The following CHLSN variants were observed in gnomAD, a reference collection of about 807,000 sequenced individuals.
CHLSN encodes the protein cholesin.
At chr7:1,060,734 TG>T in the CHLSN span, among the ~76,000 whole-genome samples, 1 of 152,360 alleles carries the variant, frequency 6.6e-6, no homozygotes, top group South Asian at 2.1e-4. Context: ...TGTCAGTGTT[TG>T]GTTTTCAGGT....
chr7:1,089,163 C>T, the CHLSN span, among the ~76,000 whole-genome samples: 2 of 152,270 alleles, frequency 1.3e-5, no homozygotes, highest in Admixed American at 1.3e-4. Context: ...AATACAGAGG[C>T]GAAATGCGGA....
At chr7:984,637 G>A in the CHLSN span, 39 of 1,507,928 alleles carry the variant, frequency 2.6e-5, no homozygotes, top group Middle Eastern at 2.3e-4. Context: ...CCCAGGAGGG[G>A]TGGGGGCTCC....
chr7:1,130,312 TG>T, the CHLSN span, among the ~76,000 whole-genome samples: 1 of 152,156 alleles, frequency 6.6e-6, no homozygotes, highest in African/African-American at 2.4e-5. Flanking sequence ...CTGGAGGGGC[TG>T]GGATAGCAGG....
the CHLSN span, among the ~76,000 whole-genome samples, chr7:1,015,200 G>C: frequency 1.3e-5 from 2 of 152,150 alleles, no homozygotes; most frequent in Non-Finnish European, 2.9e-5. Context: ...AAATTGTTTG[G>C]GGGGGCTGAG....
chr7:1,072,912 G>T, the CHLSN span, among the ~76,000 whole-genome samples: 3 of 151,984 alleles, frequency 2.0e-5, no homozygotes, highest in African/African-American at 7.3e-5. Flanking sequence ...TTGAACTCCT[G>T]GCCTCAAGTG....
chr7:984,992 A>G, the CHLSN span: 1 of 1,610,330 alleles, frequency 6.2e-7, no homozygotes, highest in South Asian at 1.1e-5. Context: ...GCTGCCCGCC[A>G]GTTCACGGTG....
the CHLSN span, among the ~76,000 whole-genome samples, chr7:1,041,230 C>CGCTGCGGGGAAGGGGACCTGGGCTCCAT: frequency 4.8e-5 from 7 of 145,408 alleles, no homozygotes; most frequent in African/African-American, 1.8e-4. Context: ...CTGGGCTCCG[C>CGCTGCGGGGAAGGGGACCTGGGCTCCAT]GCTGCGGGGA....
At chr7:1,125,131 G>A in the CHLSN span, among the ~76,000 whole-genome samples, 8 of 152,218 alleles carry the variant, frequency 5.3e-5, no homozygotes, top group Middle Eastern at 3.2e-3. Flanking sequence ...ACCACCTTCC[G>A]AGAGCTCAGC....
At chr7:983,418 T>C in the CHLSN span, 6 of 1,438,600 alleles carry the variant, frequency 4.2e-6, no homozygotes, top group East Asian at 5.5e-5. Flanking sequence ...CTCTTGCCGC[T>C]TGGACAGCTG....
the CHLSN span, among the ~76,000 whole-genome samples, chr7:1,046,715 AG>A: frequency 0.11 from 16,281 of 152,252 alleles, 1,154 homozygotes; most frequent in Middle Eastern, 0.2. Context: ...GACAAGGTGG[AG>A]GTGGGGCAGG....
the CHLSN span, among the ~76,000 whole-genome samples, chr7:1,062,362 T>C: frequency 1.3e-5 from 2 of 152,262 alleles, no homozygotes; most frequent in Non-Finnish European, 2.9e-5. Flanking sequence ...ATCATAAAAT[T>C]GGTTATTTCC....
the CHLSN span, among the ~76,000 whole-genome samples, chr7:1,129,590 C>G: frequency 6.6e-6 from 1 of 152,226 alleles, no homozygotes; most frequent in African/African-American, 2.4e-5. Context: ...TAACCACAGG[C>G]GCATGCCACC....
the CHLSN span, among the ~76,000 whole-genome samples, chr7:1,083,164 C>T: frequency 3.3e-4 from 50 of 152,382 alleles, 1 homozygote; most frequent in Admixed American, 3.1e-3. Context: ...GCCCAGAATG[C>T]TCCCAGCAAC....
chr7:981,412 T>G, the CHLSN span, among the ~76,000 whole-genome samples: 1 of 149,516 alleles, frequency 6.7e-6, no homozygotes, highest in Admixed American at 6.6e-5. Context: ...CCAGGAGGAG[T>G]TGAAGACCAG....
the CHLSN span, among the ~76,000 whole-genome samples, chr7:1,118,628 T>C: frequency 6.6e-6 from 1 of 151,560 alleles, no homozygotes; most frequent in Non-Finnish European, 1.5e-5. Context: ...TTCACACAAA[T>C]AAGAGGCCAA....
At chr7:1,016,192 C>T in the CHLSN span, among the ~76,000 whole-genome samples, 1 of 94,234 alleles carries the variant, frequency 1.1e-5, no homozygotes, top group African/African-American at 6.0e-5. Context: ...CACGCCAGCA[C>T]ACAGCAGCGC....
chr7:1,022,944 G>T, the CHLSN span: 2 of 465,682 alleles, frequency 4.3e-6, no homozygotes, highest in African/African-American at 4.0e-5. Context: ...CGCAGACACT[G>T]GGGCAGGCGC....
At chr7:1,016,688 GCAGCGCATGC>G in the CHLSN span, among the ~76,000 whole-genome samples, 125 of 109,300 alleles carry the variant, frequency 1.1e-3, 7 homozygotes, top group African/African-American at 1.5e-3. Context: ...CCAGGGCACA[GCAGCGCATGC>G]CAGCACACGC....
chr7:1,069,061 G>A, the CHLSN span, among the ~76,000 whole-genome samples: 7 of 152,210 alleles, frequency 4.6e-5, no homozygotes, highest in Non-Finnish European at 8.8e-5. Context: ...GGCCGGGCGC[G>A]GTGGCTCATG....
Sources: gnomAD v4.1 joint callset for allele counts (sites outside exome capture counted in the v4.1 genomes callset) on GRCh38, gnomAD v4.1.1 for gene constraint, MANE v1.5 for transcripts, NCBI Gene and HGNC (gene_info 2026-07-23, HGNC 2026-07-21) for gene names.